The following LPIN1 variants were observed in gnomAD, a reference collection of about 807,000 sequenced individuals.
LPIN1 encodes phosphatidate phosphatase LPIN1.
Under a neutral mutation model 107.5 loss-of-function variants are expected in LPIN1, and 71 were observed. The ratio of observed to expected loss-of-function variants is 0.66; its 90% CI spans 0.55 to 0.80. The LOEUF is 0.80. LPIN1 is among the 30% of genes least tolerant of loss of function. LPIN1 has a pLI of 0.00. For missense variants in LPIN1, 1,043 were observed against 1,160.6 expected, an observed-to-expected ratio of 0.90 and a Z score of 1.47; for synonymous variants, 445 against 452.6, an observed-to-expected ratio of 0.98 and a Z score of 0.21.
At position 11,697,321 on chromosome 2, in the gene LPIN1, C is replaced by T. The variant is rs1275119349; in HGVS notation, c.82-16435C>T. Among the ~76,000 whole-genome samples, 1 of 152,246 alleles carries T rather than the reference C, an allele frequency of 6.6e-6. No homozygotes were observed. The highest frequency in any genetic ancestry group is 1.5e-5 in the Non-Finnish European group (1 of 68,038). ...GCCCAGCTCTTGTGCTCCTGGCAGC[C>T]CTGAGCTCTGTCTTTGCTCCAGGCT... is the stretch of plus-strand genomic sequence containing the variant. On this transcript the variant is annotated intron_variant, in intron 1 of 21. Transcript: ENST00000449576. The surrounding 1 kb of genome is among the most constrained non-coding windows in gnomAD (Gnocchi z 4.6).
chr2:11,766,829 T>C (rs899918306), intron 2 of LPIN1, among the ~76,000 whole-genome samples: 2 of 152,122 alleles, frequency 1.3e-5, no homozygotes, highest in Admixed American at 1.3e-4. Context: ...TTGATACCAG[T>C]GCACAGTCTT....
Position 11,771,788 on chromosome 2 carries a change from A to G in LPIN1, c.596+109A>G. 1 of 1,209,860 alleles carries G rather than the reference A, an allele frequency of 8.3e-7. No homozygotes were observed. Among genetic ancestry groups the G allele is most frequent in the South Asian group, 1.5e-5 (1 of 66,444 alleles). The allele number at this position is 1,209,860 out of a possible 1,614,324, so 74.9% of individuals were successfully genotyped here. On this transcript the variant is annotated intron_variant, in intron 4 of 20. Coordinates refer to ENST00000674199, the MANE Select transcript of LPIN1 (RefSeq NM_001349206.2). The surrounding 1 kb of genome is among the most constrained non-coding windows in gnomAD (Gnocchi z 4.8). ...AATTCCTTATTCTTTTATGTGTTTT[A>G]GACCAGTGGTCCCCAACCTTTTTGG... is the stretch of plus-strand genomic sequence containing the variant.
intron 1 of LPIN1, among the ~76,000 whole-genome samples, chr2:11,739,252 G>A (rs901553114): frequency 2.0e-5 from 3 of 152,202 alleles, no homozygotes; most frequent in Non-Finnish European, 4.4e-5. Flanking sequence ...GTGAGTCACC[G>A]TCCTGGAGGC....
intron 1 of LPIN1, among the ~76,000 whole-genome samples, chr2:11,688,561 G>A (rs755500360): frequency 1.3e-5 from 2 of 152,152 alleles, no homozygotes; most frequent in Admixed American, 6.5e-5. Context: ...TCTTGCGGTC[G>A]CTCGGGTCCC....
At chr2:11,701,130 G>C (rs1247515316) in intron 1 of LPIN1, among the ~76,000 whole-genome samples, 1 of 152,002 alleles carries the variant, frequency 6.6e-6, no homozygotes, top group Non-Finnish European at 1.5e-5. Context: ...TTTTCCTCCT[G>C]GTCAACTCTT....
chr2:11,751,776 T>C (rs1418236683), intron 1 of LPIN1, among the ~76,000 whole-genome samples: 1 of 152,122 alleles, frequency 6.6e-6, no homozygotes, highest in Non-Finnish European at 1.5e-5. Flanking sequence ...GGCGTGAACC[T>C]GGGAGGCGGA....
chr2:11,759,219 G>GT, intron 1 of LPIN1, among the ~76,000 whole-genome samples: 1 of 146,416 alleles, frequency 6.8e-6, no homozygotes, highest in South Asian at 2.1e-4. Flanking sequence ...ATTCTTGGGT[G>GT]TTTCTTGCAG....
intron 14 of LPIN1, among the ~76,000 whole-genome samples, chr2:11,800,711 G>A (rs1161139204): frequency 1.3e-5 from 2 of 152,310 alleles, no homozygotes; most frequent in South Asian, 2.1e-4. Flanking sequence ...GGAAACAGGA[G>A]GCAGTAAGGC....
intron 1 of LPIN1, among the ~76,000 whole-genome samples, chr2:11,702,137 G>A (rs147370320): frequency 7.9e-5 from 12 of 152,310 alleles, no homozygotes; most frequent in Non-Finnish European, 1.0e-4. Flanking sequence ...GGCACGCCAC[G>A]TCACACAAGG....
chr2:11,756,421 C>T (rs1278656222), intron 1 of LPIN1, among the ~76,000 whole-genome samples: 2 of 152,180 alleles, frequency 1.3e-5, no homozygotes, highest in African/African-American at 4.8e-5. Context: ...TGGAGTCTCA[C>T]TCTGTCGCCC....
chr2:11,726,468 C>G (rs1294370266), intron 1 of LPIN1, among the ~76,000 whole-genome samples: 1 of 152,108 alleles, frequency 6.6e-6, no homozygotes, highest in African/African-American at 2.4e-5. Context: ...CAGCCACGCT[C>G]TCCCCCGCCC....
chr2:11,733,215 C>T (rs886125794), intron 1 of LPIN1, among the ~76,000 whole-genome samples: 1 of 152,060 alleles, frequency 6.6e-6, no homozygotes, highest in African/African-American at 2.4e-5. Context: ...TCCAAGTATT[C>T]CTTTTGAAAC....
At chr2:11,686,498 G>A (rs1458671667) in intron 1 of LPIN1, among the ~76,000 whole-genome samples, 1 of 152,180 alleles carries the variant, frequency 6.6e-6, no homozygotes, top group East Asian at 1.9e-4. Flanking sequence ...GTGCTGGAGG[G>A]TCTGGCACAC....
chr2:11,768,968 A>C (rs754789997), intron 3 of LPIN1, among the ~76,000 whole-genome samples: 20 of 151,684 alleles, frequency 1.3e-4, no homozygotes, highest in Non-Finnish European at 2.2e-4. Flanking sequence ...AAAAAAACCC[A>C]AAAAAAACCA....
At chr2:11,724,430 G>A (rs1049775271) in exon 1 of LPIN1, 8 of 985,652 alleles carry the variant, frequency 8.1e-6, no homozygotes, top group Non-Finnish European at 8.4e-6. Flanking sequence ...GAGATGAAGG[G>A]CAAGACCGGG....
chr2:11,722,599 A>T (rs1664226745), upstream of LPIN1: 1 of 152,210 alleles, frequency 6.6e-6, no homozygotes, highest in Non-Finnish European at 1.5e-5. Flanking sequence ...GGGTTGGGAA[A>T]ATGCAAAGCT....
In LPIN1 at chr2:11,767,839, A is replaced by G; in HGVS notation, c.269A>G (p.Gln90Arg). 6.2e-7 allele frequency: 1 copy of G among 1,609,700 alleles called. No individual in the cohort carries two copies. Among genetic ancestry groups the G allele is most frequent in the Non-Finnish European group, 8.5e-7 (1 of 1,175,976 alleles). Residue 90 changes from glutamine (Q) to arginine (R), a missense_variant, in exon 3 of 21, where the codon CAA becomes CGA. Gln to Arg is a conservative substitution (Grantham distance 43). Transcript: ENST00000674199. ...LGDNGEAFFVQETDNDQEVIP... is the reference protein window; with the variant it reads ...LGDNGEAFFVRETDNDQEVIP... ...GATAATGGAGAAGCATTTTTTGTTC[A>G]AGAAACAGATAATGATCAGGTAAGG...
chr2:11,767,955 G>C, intron 3 of LPIN1, 97 bp downstream of exon 3: 1 of 827,740 alleles, frequency 1.2e-6, no homozygotes, highest in Non-Finnish European at 2.1e-6. Flanking sequence ...AGTAATACCG[G>C]CCGTGGCTGT....
rs1230507915 is a variant in LPIN1, at chr2:11,826,245, C to T, written c.*1454C>T. On this transcript the variant is annotated 3_prime_UTR_variant, in exon 21 of 21. Coordinates refer to ENST00000674199, the MANE Select transcript of LPIN1 (RefSeq NM_001349206.2). Reference sequence around the variant, plus strand: ...ACGGTTGAATGAAATTTTACTCTTTCTGTGAAAGAAAATCCACAGAGTTGT... The same window carrying T: ...ACGGTTGAATGAAATTTTACTCTTTTTGTGAAAGAAAATCCACAGAGTTGT... 6.6e-6 allele frequency: 1 copy of T among 152,566 alleles called. No individual in the cohort carries two copies. Among genetic ancestry groups the T allele is most frequent in the African/African-American group, 2.4e-5 (1 of 41,416 alleles). The allele number at this position is 152,566 out of a possible 1,614,324, so 9.5% of individuals were successfully genotyped here.
Sources: allele counts gnomAD v4.1 joint callset (sites outside exome capture counted in the v4.1 genomes callset), GRCh38; gene constraint gnomAD v4.1.1; non-coding constraint Gnocchi (gnomAD v3.1); transcripts MANE v1.5; gene names NCBI Gene and HGNC (gene_info 2026-07-23, HGNC 2026-07-21).